The following TYRO3 variants were observed in gnomAD, a reference collection of about 807,000 sequenced individuals.
The protein encoded by TYRO3 is TYRO3 protein tyrosine kinase, also known as tyrosine-protein kinase receptor TYRO3.
A neutral mutation model predicts 95.2 loss-of-function variants in TYRO3; 38 were observed. That is an observed-to-expected ratio of 0.40 (90% confidence interval 0.31 to 0.52). The LOEUF is 0.52. TYRO3 is among the 20% of genes least tolerant of loss of function. The pLI is 0.56. For synonymous variants in TYRO3, 367 were observed against 432.9 expected (o/e 0.85, Z 1.89); for missense variants, 812 against 1,116.4 (o/e 0.73, Z 3.89).
chr15:41,564,008 C>T (rs1263368629), intron 4 of TYRO3, among the ~76,000 whole-genome samples, 176 bp from the exon 5 acceptor site: 1 of 152,204 alleles, frequency 6.6e-6, no homozygotes. Flanking sequence ...GAGCCCTCTC[C>T]AGGCTCACCA....
chr15:41,575,863 C>T (rs1029251464), intron 18 of TYRO3, among the ~76,000 whole-genome samples: 1 of 151,964 alleles, frequency 6.6e-6, no homozygotes, highest in Non-Finnish European at 1.5e-5. Context: ...GCCCGTAATC[C>T]CAGCGCTTTG....
At chr15:41,576,220 T>A (rs79998391) in intron 18 of TYRO3, among the ~76,000 whole-genome samples, 10,792 of 151,696 alleles carry the variant, frequency 0.071, 459 homozygotes, top group East Asian at 0.14. Flanking sequence ...TGAAATGGAG[T>A]TTTGCTCTTG....
At chr15:41,566,576 C>A (rs941284126) in intron 6 of TYRO3, among the ~76,000 whole-genome samples, 2 of 152,142 alleles carry the variant, frequency 1.3e-5, no homozygotes, top group Non-Finnish European at 2.9e-5. Context: ...TGTGATATGA[C>A]CACCTCTAAG....
chr15:41,573,552 C>G lies in TYRO3; in HGVS notation c.2145+85C>G. The G allele has an allele frequency of 1.9e-6, 3 of 1,567,706 alleles. No homozygotes were observed. The South Asian group carries it at 3.4e-5, about 18-fold the overall frequency. ...CCTTAAGGGCCTAGCCAAGTCTGCT[C>G]TCTGGGGTTTGGTTGCCCCCTGATG... On this transcript the variant is annotated intron_variant, in intron 17 of 18. Transcript: ENST00000263798.
chr15:41,570,940 A>G, intron 12 of TYRO3, 98 bp from the exon 13 acceptor site: 6 of 1,347,154 alleles, frequency 4.5e-6, no homozygotes, highest in Non-Finnish European at 6.3e-6. Context: ...CTGGCCCCAG[A>G]GTCTGCTGAC....
rs1329746765 is a variant in TYRO3 at position 41,569,008 on chromosome 15, C to T, written c.1238C>T (p.Ser413Phe). 1.2e-6 allele frequency: 2 copies of T among 1,614,094 alleles called. No individual in the cohort carries two copies. The highest frequency in any genetic ancestry group is 3.3e-5 in the Admixed American group (2 of 60,014). Reference protein sequence around the residue: ...GPWSQPLVVSSHDRAGQQGPP... With the variant: ...GPWSQPLVVSFHDRAGQQGPP... ...TGGAGTCAGCCACTGGTGGTCTCTT[C>T]TCATGACCGTGCAGGTGAGGCTTGT... Residue 413 changes from serine (S) to phenylalanine (F), a missense_variant, in exon 9 of 19, where the codon TCT becomes TTT. Physicochemically the swap from Ser to Phe is radical, Grantham distance 155 (BLOSUM62 -2). Transcript: ENST00000263798.
intron 9 of TYRO3, 38 bp from the exon 10 acceptor site, chr15:41,569,989 G>A: frequency 6.3e-7 from 1 of 1,599,114 alleles, no homozygotes; most frequent in Non-Finnish European, 8.5e-7. Context: ...ACCTCATGGT[G>A]TCATCCTAGC....
At position 41,578,001 on chromosome 15, in the gene TYRO3, C is replaced by G. The variant is rs561234215; in HGVS notation, c.2398C>G (p.Gln800Glu). Residue 800 changes from glutamine to glutamate, a missense_variant, in exon 19 of 19, where the codon CAG becomes GAG. Coordinates refer to ENST00000263798, the MANE Select transcript of TYRO3 (RefSeq NM_006293.4). ...LGQLSVLSAS[Q>E]DPLYINIERA... ...CCAGCTGTCTGTGCTATCTGCCAGC[C>G]AGGACCCCTTATACATCAACATCGA... 1.9e-6 allele frequency: 3 copies of G among 1,614,064 alleles called. No homozygotes were observed. The highest frequency in any genetic ancestry group is 3.3e-5 in the Admixed American group (2 of 60,026).
intron 1 of TYRO3, among the ~76,000 whole-genome samples, chr15:41,560,216 G>T (rs1340392593): frequency 6.6e-6 from 1 of 152,174 alleles, no homozygotes; most frequent in East Asian, 1.9e-4. Flanking sequence ...GGGAAACGGG[G>T]TGACGAGTAT....
At position 41,572,582 on chromosome 15, in the gene TYRO3, G is replaced by T. The variant is rs2055811433; in HGVS notation, c.1875+18G>T. ...ACCCCTTTGTGAGTACCTGGTGTGG[G>T]GGTGGCCAGGAGGAAACGGGTGGGA... is the stretch of plus-strand genomic sequence containing the variant. On this transcript the variant is annotated intron_variant, in intron 15 of 18. Coordinates refer to ENST00000263798, the MANE Select transcript of TYRO3 (RefSeq NM_006293.4). The T allele has an allele frequency of 2.0e-6, 2 of 1,003,418 alleles. No individual in the cohort carries two copies. Among genetic ancestry groups the T allele is most frequent in the Non-Finnish European group, 2.9e-6 (2 of 679,588 alleles). 62.2% of individuals were successfully genotyped at this position (1,003,418 alleles called of 1,614,324 possible).
In TYRO3 at chr15:41,579,075, A is replaced by C. The variant is rs1298847358; in HGVS notation, c.*799A>C. On this transcript the variant is annotated 3_prime_UTR_variant, in exon 19 of 19. Coordinates refer to ENST00000263798, the MANE Select transcript of TYRO3 (RefSeq NM_006293.4). ...CGCTACCAAATCTCAAAATATCCTA[A>C]GACTAACAAAGGCAGCTGTGTCTGA... The C allele has an allele frequency of 6.6e-6, 1 of 152,528 alleles. No individual in the cohort carries two copies. Among genetic ancestry groups the C allele is most frequent in the Admixed American group, 6.5e-5 (1 of 15,288 alleles). 9.4% of individuals were successfully genotyped at this position (152,528 alleles called of 1,614,324 possible). A position where few individuals can be genotyped will look rare whatever the true frequency, so the allele number is the denominator to read the frequency against.
intron 4 of TYRO3, among the ~76,000 whole-genome samples, chr15:41,563,861 A>C (rs565161087): frequency 6.6e-6 from 1 of 152,162 alleles, no homozygotes; most frequent in Admixed American, 6.5e-5. Flanking sequence ...AAAGGGGGGC[A>C]ATTTGTGCTG....
At chr15:41,575,927 A>C (rs1386353285) in intron 18 of TYRO3, among the ~76,000 whole-genome samples, 7 of 151,846 alleles carry the variant, frequency 4.6e-5, no homozygotes, top group Non-Finnish European at 8.8e-5. Flanking sequence ...CAACATAGAG[A>C]AACCCCGCCT....
chr15:41,581,521 T>C lies in TYRO3; in HGVS notation c.*3245T>C, dbSNP rs1421289656. On this transcript the variant is annotated 3_prime_UTR_variant, in exon 19 of 19. Transcript: ENST00000263798. ...CCTGTGAGATAACATCTGGGAATTA[T>C]TGATTGAAAAGACCTTCACTATCGG... 6.6e-6 allele frequency: 1 copy of C among 152,178 alleles called. No individual in the cohort carries two copies. Among genetic ancestry groups the C allele is most frequent in the Non-Finnish European group, 1.5e-5 (1 of 68,000 alleles). 9.4% of individuals were successfully genotyped at this position (152,178 alleles called of 1,614,324 possible).
At position 41,573,440 on chromosome 15, in the gene TYRO3, C is replaced by T. The variant is rs1395943850; in HGVS notation, c.2118C>T (p.Asp706=). The T allele has an allele frequency of 6.2e-7, 1 of 1,614,288 alleles. No individual in the cohort carries two copies. The highest frequency in any genetic ancestry group is 1.7e-5 in the Admixed American group (1 of 60,036). Reference sequence around the variant, plus strand: ...GGCTGGCCCTGGAGAGCCTGGCCGACAACCTGTATACTGTGCAGAGTGACG... The same window carrying T: ...GGCTGGCCCTGGAGAGCCTGGCCGATAACCTGTATACTGTGCAGAGTGACG... ...VKWLALESLA[D]NLYTVQSDVW... is the part of the protein sequence containing the mutation. The change falls in exon 17 of 19, where the codon GAC becomes GAT. Residue 706 remains aspartate, a synonymous_variant. Coordinates refer to ENST00000263798, the MANE Select transcript of TYRO3 (RefSeq NM_006293.4).
chr15:41,562,534 C>T lies in TYRO3; in HGVS notation c.410-14C>T. On this transcript the variant is annotated splice_polypyrimidine_tract_variant and intron_variant, in intron 3 of 18. Coordinates refer to ENST00000263798, the MANE Select transcript of TYRO3 (RefSeq NM_006293.4). ...AGGTGGCAGGGCTCACTCCTCACTC[C>T]CCTTCTCTCCTAGGTGTGCCATTTT... The T allele has an allele frequency of 2.0e-6, 3 of 1,497,242 alleles. No individual in the cohort carries two copies. Among genetic ancestry groups the T allele is most frequent in the Middle Eastern group, 5.0e-4 (2 of 3,988 alleles). The allele number at this position is 1,497,242 out of a possible 1,614,324, so 92.7% of individuals were successfully genotyped here. A position where few individuals can be genotyped will look rare whatever the true frequency, so the allele number is the denominator to read the frequency against.
chr15:41,561,759 G>A, intron 3 of TYRO3, 120 bp downstream of exon 3: 1 of 704,126 alleles, frequency 1.4e-6, no homozygotes, highest in South Asian at 2.0e-5. Context: ...TGTGGGGCCT[G>A]GTTGTCCAGG....
chr15:41,577,771 C>A, intron 18 of TYRO3, 115 bp from the exon 19 acceptor site: 1 of 1,100,058 alleles, frequency 9.1e-7, no homozygotes, highest in Non-Finnish European at 1.3e-6. Flanking sequence ...CAGATGCGAG[C>A]CGCTGTGCCC....
chr15:41,569,107 G>T, intron 9 of TYRO3, 85 bp downstream of exon 9: 1 of 1,498,364 alleles, frequency 6.7e-7, no homozygotes. Context: ...GAGCCTAGTA[G>T]CATCTCCCCT....
Sources: gnomAD v4.1 joint callset for allele counts (sites outside exome capture counted in the v4.1 genomes callset) on GRCh38, gnomAD v4.1.1 for gene constraint, MANE v1.5 for transcripts, NCBI Gene and HGNC (gene_info 2026-07-23, HGNC 2026-07-21) for gene names.